The following ASH1L variants were observed in gnomAD, a reference collection of about 807,000 sequenced individuals.
ASH1L encodes histone-lysine N-methyltransferase ASH1L.
A neutral mutation model predicts 269.0 loss-of-function variants in ASH1L; 23 were observed. The ratio of observed to expected loss-of-function variants is 0.09; its 90% CI spans 0.06 to 0.12. The LOEUF (loss-of-function observed/expected upper bound fraction) is 0.12. Among genes scored for constraint, ASH1L ranks in the 10% least tolerant of loss-of-function variants. The pLI, the probability that ASH1L is intolerant of heterozygous loss-of-function variation, is 1.00. For missense variants in ASH1L, 2,912 were observed against 3,567.8 expected (o/e 0.82, Z 4.68); for synonymous variants, 1,187 against 1,253.5 (o/e 0.95, Z 1.12).
chr1:155,554,874 G>A (rs546803429), intron 1 of ASH1L, among the ~76,000 whole-genome samples: 1 of 152,220 alleles, frequency 6.6e-6, no homozygotes, highest in Admixed American at 6.5e-5. Context: ...GGGTGTGGTG[G>A]CTCACACCTG....
chr1:155,353,918 A>G (rs984298699), intron 16 of ASH1L, among the ~76,000 whole-genome samples: 1 of 152,216 alleles, frequency 6.6e-6, no homozygotes, highest in Non-Finnish European at 1.5e-5. Context: ...AAGAGGGCCC[A>G]CTATCTATCT....
chr1:155,486,607 T>C (rs1666344342), intron 2 of ASH1L, among the ~76,000 whole-genome samples: 1 of 152,070 alleles, frequency 6.6e-6, no homozygotes, highest in Non-Finnish European at 1.5e-5. Flanking sequence ...CTCTATGATG[T>C]GATTATTACA....
chr1:155,527,678 A>G (rs1285141318), intron 1 of ASH1L, among the ~76,000 whole-genome samples: 1 of 151,800 alleles, frequency 6.6e-6, no homozygotes, highest in Non-Finnish European at 1.5e-5. Flanking sequence ...TATTCCAAGT[A>G]GCTAGAAATA....
chr1:155,509,949 A>G (rs1668060748), intron 2 of ASH1L, among the ~76,000 whole-genome samples: 1 of 152,348 alleles, frequency 6.6e-6, no homozygotes. Context: ...AAGATCTGCA[A>G]AACAACATAA....
intron 1 of ASH1L, among the ~76,000 whole-genome samples, chr1:155,553,624 G>T (rs575025512): frequency 3.3e-5 from 5 of 152,156 alleles, no homozygotes; most frequent in African/African-American, 1.2e-4. Context: ...TTAAAGCCTG[G>T]CTCTTCCCAC....
In ASH1L at chr1:155,336,737, A is replaced by G. The variant is rs1652352023; in HGVS notation, c.*923T>C. 1 of 151,932 alleles carries G rather than the reference A, an allele frequency of 6.6e-6. No individual in the cohort carries two copies. The allele number at this position is 151,932 out of a possible 1,614,324, so 9.4% of individuals were successfully genotyped here. A position where few individuals can be genotyped will look rare whatever the true frequency, so the allele number is the denominator to read the frequency against. ...TTGATAATCTATACTCACAACAAAT[A>G]CTCTGATAGGTGAATACTGCTGAAC... On this transcript the variant is annotated 3_prime_UTR_variant, in exon 28 of 28. Transcript: ENST00000392403.
At chr1:155,356,660 A>C (rs1470097327) in intron 15 of ASH1L, among the ~76,000 whole-genome samples, 1 of 150,408 alleles carries the variant, frequency 6.6e-6, no homozygotes, top group Non-Finnish European at 1.5e-5. Context: ...AAAAAAAAAC[A>C]ACAAAAAACC....
Position 155,388,522 on chromosome 1 carries a change from G to A in ASH1L, c.6103+6937C>T, listed in dbSNP as rs368934135. 9.2e-5 allele frequency among the ~76,000 whole-genome samples: 14 copies of A among 152,028 alleles called. 1 individual carries two copies. In the East Asian group the frequency reaches 1.9e-3, roughly 21 times the overall value. ...TCATTATGTTGTCCAGGCTGGTCTCGAATTCCTGAGCTCAAGCAATCCAAC... is the reference window on the plus strand; with the variant it reads ...TCATTATGTTGTCCAGGCTGGTCTCAAATTCCTGAGCTCAAGCAATCCAAC... On this transcript the variant is annotated intron_variant, in intron 7 of 27. Transcript: ENST00000392403.
intron 2 of ASH1L, among the ~76,000 whole-genome samples, chr1:155,492,123 C>T (rs1666844945): frequency 6.7e-6 from 1 of 150,030 alleles, no homozygotes; most frequent in Admixed American, 6.7e-5. Flanking sequence ...GCAACCTCTG[C>T]CTCCCAGGTT....
intron 2 of ASH1L, among the ~76,000 whole-genome samples, chr1:155,508,127 C>T (rs1435711515): frequency 6.6e-6 from 1 of 151,806 alleles, no homozygotes; most frequent in Non-Finnish European, 1.5e-5. Flanking sequence ...TTTTAAGTTA[C>T]TGTGTGATAA....
intron 1 of ASH1L, among the ~76,000 whole-genome samples, chr1:155,545,557 G>GA (rs1333946195): frequency 6.8e-6 from 1 of 148,030 alleles, no homozygotes; most frequent in Non-Finnish European, 1.5e-5. Context: ...CCTATATAGA[G>GA]AAAAAATTAT....
intron 2 of ASH1L, among the ~76,000 whole-genome samples, chr1:155,501,747 C>T (rs1028516455): frequency 6.6e-6 from 1 of 152,220 alleles, no homozygotes; most frequent in Admixed American, 6.5e-5. Context: ...ACTGCAACCT[C>T]CACCTCCCGG....
At chr1:155,539,146 ATTTTTAT>A (rs1670255392) in intron 1 of ASH1L, among the ~76,000 whole-genome samples, 1 of 151,604 alleles carries the variant, frequency 6.6e-6, no homozygotes, top group Non-Finnish European at 1.5e-5. Context: ...TAATTTTTTA[ATTTTTAT>A]TTTTTATTTT....
chr1:155,562,247 C>G lies in ASH1L; in HGVS notation c.-194G>C. ...CCAGGCTCCTCCGCTTCCCTGGGTCCACGGCGGATCCCTCCCGCTTGTCAG... is the reference window on the plus strand; with the variant it reads ...CCAGGCTCCTCCGCTTCCCTGGGTCGACGGCGGATCCCTCCCGCTTGTCAG... On this transcript the variant is annotated 5_prime_UTR_variant, in exon 1 of 28. Transcript: ENST00000392403. 1 of 1,610,362 alleles carries G rather than the reference C, an allele frequency of 6.2e-7. No individual in the cohort carries two copies. Among genetic ancestry groups the G allele is most frequent in the Non-Finnish European group, 8.5e-7 (1 of 1,176,980 alleles).
At chr1:155,431,656 G>C (rs1045445226) in intron 5 of ASH1L, among the ~76,000 whole-genome samples, 2 of 152,110 alleles carry the variant, frequency 1.3e-5, no homozygotes, top group Non-Finnish European at 2.9e-5. Flanking sequence ...AGCCACTGTG[G>C]GGGAGGGATG....
At chr1:155,410,240 C>A (rs930771194) in intron 6 of ASH1L, among the ~76,000 whole-genome samples, 2 of 152,142 alleles carry the variant, frequency 1.3e-5, no homozygotes, top group Admixed American at 6.6e-5. Flanking sequence ...GATCTGCTCA[C>A]TTCAGTCTCA....
intron 12 of ASH1L, among the ~76,000 whole-genome samples, chr1:155,369,456 A>T (rs1157713081): frequency 6.6e-6 from 1 of 152,230 alleles, no homozygotes; most frequent in Non-Finnish European, 1.5e-5. Flanking sequence ...CAAAAAAAAA[A>T]AAAAGTCTAT....
intron 5 of ASH1L, among the ~76,000 whole-genome samples, chr1:155,418,813 T>G (rs941223267): frequency 3.3e-5 from 5 of 152,208 alleles, no homozygotes; most frequent in African/African-American, 1.2e-4. Context: ...CTCACGCCTG[T>G]AATCCCAGCA....
intron 2 of ASH1L, among the ~76,000 whole-genome samples, chr1:155,490,649 C>CACAT (rs1553267820): frequency 2.2e-5 from 3 of 137,598 alleles, no homozygotes; most frequent in Non-Finnish European, 3.3e-5. Flanking sequence ...CACACATACA[C>CACAT]ACACACTCTC....
Sources: gnomAD v4.1 joint callset for allele counts (sites outside exome capture counted in the v4.1 genomes callset) on GRCh38, gnomAD v4.1.1 for gene constraint, MANE v1.5 for transcripts, NCBI Gene and HGNC (gene_info 2026-07-23, HGNC 2026-07-21) for gene names.